TENM4: variants seen among roughly 807,000 people sequenced by gnomAD.
TENM4 encodes the protein teneurin transmembrane protein 4, also known as teneurin-4.
Under a neutral mutation model 243.3 loss-of-function variants are expected in TENM4, and 82 were observed. The ratio of observed to expected loss-of-function variants is 0.34; its 90% CI spans 0.28 to 0.40. The LOEUF is 0.40. Among genes scored for constraint, TENM4 ranks in the 10% least tolerant of loss-of-function variants. The pLI is 1.00. For synonymous variants in TENM4, 1,412 were observed against 1,456.3 expected, an observed-to-expected ratio of 0.97 and a Z score of 0.69; for missense variants, 3,138 against 3,673.3, an observed-to-expected ratio of 0.85 and a Z score of 3.77.
intron 6 of TENM4, among the ~76,000 whole-genome samples, chr11:78,959,705 G>A (rs1175209468): frequency 6.6e-6 from 1 of 152,228 alleles, no homozygotes; most frequent in Non-Finnish European, 1.5e-5. Context: ...CTGGGGTGCA[G>A]GAGCATGGAG....
chr11:78,978,371 A>AAAAGG (rs1472161977), intron 6 of TENM4, among the ~76,000 whole-genome samples: 1 of 151,900 alleles, frequency 6.6e-6, no homozygotes, highest in Non-Finnish European at 1.5e-5. Context: ...AAAAGAAAAG[A>AAAAGG]AAAGAAAAGA....
At chr11:79,171,160 G>T (rs1296994988) in intron 3 of TENM4, among the ~76,000 whole-genome samples, 8 of 152,194 alleles carry the variant, frequency 5.3e-5, no homozygotes, top group African/African-American at 1.9e-4. Flanking sequence ...CCAGAGAGGG[G>T]AAGAATTTGT....
intron 9 of TENM4, among the ~76,000 whole-genome samples, chr11:78,864,475 C>T (rs368415121): frequency 1.0e-3 from 145 of 142,160 alleles, no homozygotes; most frequent in African/African-American, 3.7e-3. Context: ...GATATTTTTC[C>T]AAGGTAGCAA....
chr11:78,983,605 G>A (rs556172075), intron 6 of TENM4, among the ~76,000 whole-genome samples: 27 of 152,332 alleles, frequency 1.8e-4, no homozygotes, highest in Non-Finnish European at 2.6e-4. Flanking sequence ...GGAGACTAGC[G>A]GCTTCCTGAA....
At chr11:78,978,165 GAC>G (rs1857707538) in intron 6 of TENM4, among the ~76,000 whole-genome samples, 1 of 151,434 alleles carries the variant, frequency 6.6e-6, no homozygotes, top group African/African-American at 2.5e-5. Flanking sequence ...AGAACACATG[GAC>G]ACAGGGAGGG....
rs1432783176 is a variant in TENM4 at position 79,064,886 on chromosome 11, G to A, written c.345C>T (p.Ala115=). ...CGYSMGAGSD[A]DMEADTVLSP... The stretch of plus-strand genomic sequence containing the variant: ...ACAGCACCGTGTCAGCCTCCATGTC[G>A]GCATCAGAGCCAGCCCCCATGGAGT... Residue 115 remains alanine, a synonymous_variant, in exon 6 of 34, where the codon GCC becomes GCT. Transcript: ENST00000278550. 52 of 1,550,002 alleles carry A rather than the reference G, an allele frequency of 3.4e-5. No individual in the cohort carries two copies. The highest frequency in any genetic ancestry group is 1.7e-4 in the Middle Eastern group (1 of 6,004).
intron 2 of TENM4, among the ~76,000 whole-genome samples, chr11:79,266,240 A>C (rs906828133): frequency 2.0e-5 from 3 of 152,224 alleles, no homozygotes; most frequent in African/African-American, 7.2e-5. Flanking sequence ...TCACGCATCA[A>C]GGGAAGTATC....
intron 28 of TENM4, among the ~76,000 whole-genome samples, chr11:78,696,767 G>T (rs1565336664): frequency 6.6e-6 from 1 of 152,004 alleles, no homozygotes; most frequent in Non-Finnish European, 1.5e-5. Flanking sequence ...CTCCCTCCCA[G>T]CAGTCTTCTG....
At chr11:79,053,211 A>T (rs775876061) in intron 6 of TENM4, among the ~76,000 whole-genome samples, 1 of 152,218 alleles carries the variant, frequency 6.6e-6, no homozygotes, top group African/African-American at 2.4e-5. Flanking sequence ...GGTTCTTGAC[A>T]AGTTCATGGT....
chr11:78,715,878 C>T (rs1859510401), intron 25 of TENM4, among the ~76,000 whole-genome samples: 2 of 152,106 alleles, frequency 1.3e-5, no homozygotes, highest in South Asian at 2.1e-4. Context: ...ATCTATGATG[C>T]CCATCTAGAC....
At chr11:79,254,781 A>G (rs1855672729) in intron 2 of TENM4, among the ~76,000 whole-genome samples, 1 of 152,230 alleles carries the variant, frequency 6.6e-6, no homozygotes, top group Non-Finnish European at 1.5e-5. Context: ...GCTGGTGTAC[A>G]GGAAAGGATC....
At chr11:79,100,336 G>A (rs1861196697) in intron 4 of TENM4, among the ~76,000 whole-genome samples, 1 of 151,892 alleles carries the variant, frequency 6.6e-6, no homozygotes, top group Non-Finnish European at 1.5e-5. Context: ...CAAAGCTCCA[G>A]CCTCTTCCGT....
rs115773790 is a variant in TENM4, at chr11:79,112,076, C to T, written c.-66+36634G>A. 2.1e-3 allele frequency among the ~76,000 whole-genome samples: 324 copies of T among 152,200 alleles called. 1 individual carries two copies. Among genetic ancestry groups the T allele is most frequent in the African/African-American group, 7.2e-3 (298 of 41,522 alleles). On this transcript the variant is annotated intron_variant, in intron 4 of 33. Coordinates refer to ENST00000278550, the MANE Select transcript of TENM4 (RefSeq NM_001098816.3). ...GTCAGCTGGAAGCTGCCTCATTGGT[C>T]GTGTAGGGTGCAGAGGAAGTGGTCT...
At chr11:79,293,139 TTATG>T (rs10585808) in intron 2 of TENM4, among the ~76,000 whole-genome samples, 22,854 of 152,140 alleles carry the variant, frequency 0.15, 2,141 homozygotes, top group Middle Eastern at 0.27. Context: ...GCTACATGCT[TTATG>T]TAAGTCAAGT....
intron 4 of TENM4, among the ~76,000 whole-genome samples, chr11:79,071,058 C>T (rs940225297): frequency 6.6e-6 from 1 of 152,122 alleles, no homozygotes; most frequent in Non-Finnish European, 1.5e-5. Context: ...CCTCTTTTCC[C>T]CATCTTGACC....
intron 23 of TENM4, among the ~76,000 whole-genome samples, 190 bp downstream of exon 23, chr11:78,725,889 C>T (rs1855498804): frequency 6.6e-6 from 1 of 152,224 alleles, no homozygotes. Flanking sequence ...CCATTCATTT[C>T]TACATCCCCA....
chr11:79,043,391 G>A (rs757106246), intron 6 of TENM4, among the ~76,000 whole-genome samples: 7 of 152,118 alleles, frequency 4.6e-5, no homozygotes, highest in Non-Finnish European at 8.8e-5. Context: ...AGGCCTATGG[G>A]CTGTGAGAAG....
In TENM4 at chr11:78,732,234, T is replaced by C. The variant is rs1434450416; in HGVS notation, c.3138+82A>G. On this transcript the variant is annotated intron_variant, in intron 21 of 33. Coordinates refer to ENST00000278550, the MANE Select transcript of TENM4 (RefSeq NM_001098816.3). ...CCAAGCCCTACAGAGGTGTTTTTTCTCTTTCCACTGTCTCTGAGATCCTCC... is the reference window on the plus strand; with the variant it reads ...CCAAGCCCTACAGAGGTGTTTTTTCCCTTTCCACTGTCTCTGAGATCCTCC... The C allele has an allele frequency of 4.0e-6, 6 of 1,513,174 alleles. No individual in the cohort carries two copies. In the South Asian group the frequency reaches 4.1e-5, roughly 10 times the overall value. 93.7% of individuals were successfully genotyped at this position (1,513,174 alleles called of 1,614,324 possible). A position where few individuals can be genotyped will look rare whatever the true frequency, so the allele number is the denominator to read the frequency against.
At chr11:79,430,754 G>T (rs1276970909) in intron 1 of TENM4, among the ~76,000 whole-genome samples, 2 of 152,190 alleles carry the variant, frequency 1.3e-5, no homozygotes, top group Non-Finnish European at 2.9e-5. Flanking sequence ...ATGGTTCAGG[G>T]TCTGAATCTA....
Sources: allele counts gnomAD v4.1 joint callset (sites outside exome capture counted in the v4.1 genomes callset), GRCh38; gene constraint gnomAD v4.1.1; transcripts MANE v1.5; gene names NCBI Gene and HGNC (gene_info 2026-07-23, HGNC 2026-07-21).